The following CNKSR1 variants were observed in gnomAD, a reference collection of about 807,000 sequenced individuals.
The protein encoded by CNKSR1 is CNK homolog protein 1.
Under a neutral mutation model 95.6 loss-of-function variants are expected in CNKSR1, and 88 were observed. The ratio of observed to expected loss-of-function variants is 0.92; its 90% CI spans 0.78 to 1.10. CNKSR1 has a LOEUF of 1.10. Ranked by LOEUF, CNKSR1 falls within the 50% of genes least tolerant of loss-of-function variation. The probability of loss-of-function intolerance (pLI) is 0.00; values close to 1 mark genes in which losing one functional copy is unlikely to be tolerated. For missense variants in CNKSR1, 836 were observed against 912.0 expected (o/e 0.92, Z 1.07); for synonymous variants, 355 against 369.7 (o/e 0.96, Z 0.46).
At position 26,189,431 on chromosome 1, in the gene CNKSR1, C is replaced by G. The variant is rs375057480; in HGVS notation, c.2025C>G (p.His675Gln). ...WGVAQAEGSSHILTSDSTEQS... is the reference protein window; with the variant it reads ...WGVAQAEGSSQILTSDSTEQS... ...TGGCACAGGCTGAAGGCAGCTCCCA[C>G]ATCTTGACCTCTGACTCCACAGAAC... Residue 675 changes from histidine to glutamine, a missense_variant, in exon 21 of 21, where the codon CAC (histidine) becomes CAG (glutamine). Coordinates refer to ENST00000361530, the MANE Select transcript of CNKSR1 (RefSeq NM_006314.3). 4.3e-6 allele frequency: 7 copies of G among 1,614,020 alleles called. No individual in the cohort carries two copies. Among genetic ancestry groups the G allele is most frequent in the Non-Finnish European group, 5.9e-6 (7 of 1,180,016 alleles).
chr1:26,184,016 C>T, intron 9 of CNKSR1, 55 bp from the exon 10 acceptor site: 1 of 1,390,264 alleles, frequency 7.2e-7, no homozygotes, highest in South Asian at 1.2e-5. Flanking sequence ...CCTGTTGCCC[C>T]CCAACCTGCT....
chr1:26,184,418 C>T lies in CNKSR1; in HGVS notation c.1018C>T (p.Pro340Ser). Residue 340 changes from proline (P) to serine (S), a missense_variant, in exon 12 of 21, where the codon CCT (proline) becomes TCT (serine). Physicochemically the swap from Pro to Ser is moderately conservative, Grantham distance 74. Coordinates refer to ENST00000361530, the MANE Select transcript of CNKSR1 (RefSeq NM_006314.3). ...PAWTDSASLG[P>S]EPLPIPPEPP... ...CCTGACAGACTCTGCCTCCCTTGGC[C>T]CTGAGCCCCTGCCCATCCCCCCGGA... 1.2e-6 allele frequency: 2 copies of T among 1,613,412 alleles called. No individual in the cohort carries two copies. The highest frequency in any genetic ancestry group is 1.1e-5 in the South Asian group (1 of 91,020).
chr1:26,182,404 TGA>T lies in CNKSR1; in HGVS notation c.519+4_519+5del, dbSNP rs1415057327. 1 of 1,613,694 alleles carries T rather than the reference TGA, an allele frequency of 6.2e-7. No individual in the cohort carries two copies. The highest frequency in any genetic ancestry group is 8.5e-7 in the Non-Finnish European group (1 of 1,179,884). ...AAGGAGGGCACAGTCCTGAGGATCG[TGA>T]GTCTGTGGGGTGGGAAGAGAGTGGG... is the stretch of plus-strand genomic sequence containing the variant. On this transcript the variant is annotated splice_donor_region_variant and intron_variant, in intron 5 of 20. Transcript: ENST00000361530.
In CNKSR1 at chr1:26,180,499, G is replaced by A. The variant is rs1179343943; in HGVS notation, c.99G>A (p.Leu33=). ...ACTATCCCTTTGAGGACTGGCAGCTGCCTGGCAAGAACCTGCTCCAGCTCT... is the reference window on the plus strand; with the variant it reads ...ACTATCCCTTTGAGGACTGGCAGCTACCTGGCAAGAACCTGCTCCAGCTCT... ...LQDYPFEDWQ[L]PGKNLLQLCP... The change falls in exon 2 of 21, where the codon CTG becomes CTA. Residue 33 remains leucine, a synonymous_variant. Coordinates refer to ENST00000361530, the MANE Select transcript of CNKSR1 (RefSeq NM_006314.3). 1 of 1,614,186 alleles carries A rather than the reference G, an allele frequency of 6.2e-7. No homozygotes were observed. The highest frequency in any genetic ancestry group is 1.1e-5 in the South Asian group (1 of 91,088).
intron 11 of CNKSR1, 24 bp from the exon 12 acceptor site, chr1:26,184,377 C>T: frequency 1.2e-6 from 2 of 1,608,350 alleles, no homozygotes; most frequent in Non-Finnish European, 1.7e-6. Context: ...TAGACTTTCC[C>T]TCTCTCTCCT....
At chr1:26,187,624 T>TTC in intron 16 of CNKSR1, 142 bp downstream of exon 16, 1 of 554,678 alleles carries the variant, frequency 1.8e-6, no homozygotes. Context: ...CTTTCTCTTT[T>TTC]TTTTTTTTTT....
rs2088652497 is a variant in CNKSR1 at position 26,181,878 on chromosome 1, T to C, written c.414T>C (p.Asn138=). The change falls in exon 4 of 21, where the codon AAT becomes AAC. Residue 138 remains asparagine, a synonymous_variant. Transcript: ENST00000361530. The part of the protein sequence containing the change: ...WLSRYLFSHL[N]DFSACQEIRD... ...CCAGGTACCTCTTCTCCCACTTAAATGATTTCTCAGCATGCCAGGAGATCC... is the reference window on the plus strand; with the variant it reads ...CCAGGTACCTCTTCTCCCACTTAAACGATTTCTCAGCATGCCAGGAGATCC... The C allele has an allele frequency of 6.2e-7, 1 of 1,613,962 alleles. No homozygotes were observed. The highest frequency in any genetic ancestry group is 8.5e-7 in the Non-Finnish European group (1 of 1,179,962).
intron 1 of CNKSR1, among the ~76,000 whole-genome samples, chr1:26,178,953 G>T (rs939375122): frequency 5.3e-5 from 8 of 152,196 alleles, no homozygotes; most frequent in Non-Finnish European, 1.2e-4. Flanking sequence ...CAGTGAAGGA[G>T]CCTGGCTTAG....
rs2088770814 is a variant in CNKSR1, at chr1:26,187,190, T to C, written c.1331T>C (p.Ile444Thr). ...QPQDEKAEGL[I>T]NVSNYSLESG... is the part of the protein sequence containing the mutation. ...CAGGATGAGAAGGCTGAGGGCCTCATCAATGTCTCCAACTATAGTCTGGAA... is the reference window on the plus strand; with the variant it reads ...CAGGATGAGAAGGCTGAGGGCCTCACCAATGTCTCCAACTATAGTCTGGAA... Residue 444 changes from isoleucine (I) to threonine (T), a missense_variant, in exon 15 of 21, where the codon ATC becomes ACC. Coordinates refer to ENST00000361530, the MANE Select transcript of CNKSR1 (RefSeq NM_006314.3). 6.2e-7 allele frequency: 1 copy of C among 1,614,044 alleles called. No homozygotes were observed. The highest frequency in any genetic ancestry group is 2.2e-5 in the East Asian group (1 of 44,882).
chr1:26,183,603 G>A (rs1191303617), intron 8 of CNKSR1, 126 bp from the exon 9 acceptor site: 2 of 998,156 alleles, frequency 2.0e-6, no homozygotes, highest in Non-Finnish European at 3.2e-6. Flanking sequence ...AAGCCCCCAG[G>A]AGGCTGCATG....
In CNKSR1 at chr1:26,189,136, G is replaced by C. The variant is rs1444271987; in HGVS notation, c.1873-143G>C. 6 of 1,283,030 alleles carry C rather than the reference G, an allele frequency of 4.7e-6. No homozygotes were observed. In the East Asian group the frequency reaches 1.4e-4, roughly 30 times the overall value. The allele number at this position is 1,283,030 out of a possible 1,614,324, so 79.5% of individuals were successfully genotyped here. ...GGCCAGGCTCTGGGTTCCGAGTGGG[G>C]ATTTGAGTCTCACCTAGGCTCCTCG... On this transcript the variant is annotated intron_variant, in intron 20 of 20. Coordinates refer to ENST00000361530, the MANE Select transcript of CNKSR1 (RefSeq NM_006314.3).
intron 14 of CNKSR1, 98 bp downstream of exon 14, chr1:26,185,284 G>A (rs915291478): frequency 7.8e-6 from 10 of 1,283,526 alleles, no homozygotes; most frequent in African/African-American, 1.5e-5. Context: ...CTGGTCCAAG[G>A]CTTTGATGTC....
Position 26,184,252 on chromosome 1 carries a change from C to G in CNKSR1, c.965C>G (p.Ser322Ter). 1.2e-6 allele frequency: 2 copies of G among 1,613,742 alleles called. No homozygotes were observed. Among genetic ancestry groups the G allele is most frequent in the Non-Finnish European group, 1.7e-6 (2 of 1,179,948 alleles). Reference sequence around the variant, plus strand: ...GACGTCTTTGCCTTTGACCTGTCTTCAAACCCCAGTCCCGGACCCAGCCCT... The same window carrying G: ...GACGTCTTTGCCTTTGACCTGTCTTGAAACCCCAGTCCCGGACCCAGCCCT... ...SEDVFAFDLS[S>*]NPSPGPSPAW... Residue 322 changes from serine to a stop codon, truncating the protein, a stop_gained, in exon 11 of 21, where the codon TCA becomes TGA. Transcript: ENST00000361530. LOFTEE classifies it high-confidence loss of function.
intron 3 of CNKSR1, among the ~76,000 whole-genome samples, chr1:26,181,431 C>T (rs1209682143): frequency 6.6e-6 from 1 of 151,994 alleles, no homozygotes; most frequent in African/African-American, 2.4e-5. Context: ...GAGAGCCTCC[C>T]CAACCCTGTG....
chr1:26,179,163 A>G (rs1377729711), intron 1 of CNKSR1, among the ~76,000 whole-genome samples: 1 of 152,210 alleles, frequency 6.6e-6, no homozygotes, highest in East Asian at 1.9e-4. Flanking sequence ...TTCAGTGCCT[A>G]CCTTGTCCAG....
rs185041400 is a variant in CNKSR1 at position 26,178,163 on chromosome 1, G to A, written c.52+564G>A. ...AAGAGGCCTCTAGGGTGATAATGGG[G>A]AGGCGGTGTCATGAAAACAGGAGGG... is the stretch of plus-strand genomic sequence containing the variant. On this transcript the variant is annotated intron_variant, in intron 1 of 20. Transcript: ENST00000361530. Among the ~76,000 whole-genome samples, 241 of 152,278 alleles carry A rather than the reference G, an allele frequency of 1.6e-3. 1 individual carries two copies. The highest frequency in any genetic ancestry group is 2.4e-3 in the Non-Finnish European group (166 of 68,036).
chr1:26,186,766 A>G, intron 14 of CNKSR1: 1 of 265,806 alleles, frequency 3.8e-6, no homozygotes, highest in South Asian at 4.3e-5. Context: ...GAGCCACCAC[A>G]CCCGACCTAA....
At position 26,177,617 on chromosome 1, in the gene CNKSR1, A is replaced by G; in HGVS notation, c.52+18A>G. On this transcript the variant is annotated intron_variant, in intron 1 of 20. Coordinates refer to ENST00000361530, the MANE Select transcript of CNKSR1 (RefSeq NM_006314.3). ...GCTGAGAGGTGGGTGGGGCTGGGGT[A>G]GAGTTGGGCTTGAAGGGGACTAGGT... is the stretch of plus-strand genomic sequence containing the variant. 6 of 1,613,844 alleles carry G rather than the reference A, an allele frequency of 3.7e-6. No homozygotes were observed. The highest frequency in any genetic ancestry group is 5.1e-6 in the Non-Finnish European group (6 of 1,179,872).
At chr1:26,178,804 T>C (rs573001909) in intron 1 of CNKSR1, among the ~76,000 whole-genome samples, 1 of 152,182 alleles carries the variant, frequency 6.6e-6, no homozygotes. Context: ...CCTGGGTCTA[T>C]TGGGAGGGCA....
Sources: allele counts gnomAD v4.1 joint callset (sites outside exome capture counted in the v4.1 genomes callset), GRCh38; gene constraint gnomAD v4.1.1; transcripts MANE v1.5; gene names NCBI Gene and HGNC (gene_info 2026-07-23, HGNC 2026-07-21).